Variants in ZFPM1 observed in about 807,000 individuals in gnomAD.
ZFPM1 encodes the protein zinc finger protein ZFPM1.
Under a neutral mutation model 46.3 loss-of-function variants are expected in ZFPM1, and 28 were observed. The ratio of observed to expected loss-of-function variants is 0.60; its 90% confidence interval spans 0.45 to 0.83. ZFPM1 has a LOEUF of 0.83. ZFPM1 is among the 40% of genes least tolerant of loss of function. The pLI is 0.00. For synonymous variants in ZFPM1, 957 were observed against 675.9 expected (o/e 1.42, Z -6.45); for missense variants, 1,878 against 1,432.4 (o/e 1.31, Z -5.02).
chr16:88,474,155 G>T lies in ZFPM1; in HGVS notation c.41-11784G>T, dbSNP rs557023749. Among the ~76,000 whole-genome samples, 8 of 152,318 alleles carry T rather than the reference G, an allele frequency of 5.3e-5. No homozygotes were observed. The East Asian group carries it at 1.5e-3, about 29-fold the overall frequency. On this transcript the variant is annotated intron_variant, in intron 1 of 9. Transcript: ENST00000319555. ...AACCAATCTCTCCCCTATCAGCCGGGCTGGGCTTTCTCAGGCCCCGGCTCT... is the reference window on the plus strand; with the variant it reads ...AACCAATCTCTCCCCTATCAGCCGGTCTGGGCTTTCTCAGGCCCCGGCTCT...
At chr16:88,499,104 C>G (rs994783028) in intron 3 of ZFPM1, among the ~76,000 whole-genome samples, 1 of 152,186 alleles carries the variant, frequency 6.6e-6, no homozygotes, top group Non-Finnish European at 1.5e-5. Context: ...CAACGGCCCC[C>G]GTGGCTCCCC....
At chr16:88,496,094 C>T (rs1437184824) in intron 3 of ZFPM1, among the ~76,000 whole-genome samples, 1 of 152,128 alleles carries the variant, frequency 6.6e-6, no homozygotes, top group African/African-American at 2.4e-5. Context: ...CCTCTGGAGC[C>T]GAAGGAGGAG....
At chr16:88,487,982 GCCAGAGCTCTC>G (rs1909328591) in intron 2 of ZFPM1, among the ~76,000 whole-genome samples, 1 of 152,256 alleles carries the variant, frequency 6.6e-6, no homozygotes, top group African/African-American at 2.4e-5. Flanking sequence ...TCGTGGTACA[GCCAGAGCTCTC>G]CCTGGCCAGT....
At chr16:88,488,566 C>T (rs577142499) in intron 2 of ZFPM1, among the ~76,000 whole-genome samples, 8 of 151,266 alleles carry the variant, frequency 5.3e-5, no homozygotes, top group Non-Finnish European at 1.2e-4. Flanking sequence ...TCTGTAGACA[C>T]GTGACGTCAT....
chr16:88,523,256 C>T (rs1355414259), intron 4 of ZFPM1, among the ~76,000 whole-genome samples: 1 of 151,738 alleles, frequency 6.6e-6, no homozygotes, highest in Non-Finnish European at 1.5e-5. Context: ...CCAGTGCCCA[C>T]AGGCAGAGCA....
rs182290172 is a variant in ZFPM1, at chr16:88,489,656, G to A, written c.268+503G>A. On this transcript the variant is annotated intron_variant, in intron 3 of 9. Coordinates refer to ENST00000319555, the MANE Select transcript of ZFPM1 (RefSeq NM_153813.3). ...GGACGGAGTCCCATCCACATACCCCGCGGGGCCTGGGCCACAGGGTGTGTC... is the reference window on the plus strand; with the variant it reads ...GGACGGAGTCCCATCCACATACCCCACGGGGCCTGGGCCACAGGGTGTGTC... Among the ~76,000 whole-genome samples the A allele has an allele frequency of 1.7e-3, 252 of 152,332 alleles. 1 individual carries two copies. Among genetic ancestry groups the A allele is most frequent in the African/African-American group, 5.6e-3 (232 of 41,564 alleles).
At chr16:88,472,438 C>T (rs1908469677) in intron 1 of ZFPM1, among the ~76,000 whole-genome samples, 1 of 149,634 alleles carries the variant, frequency 6.7e-6, no homozygotes, top group Non-Finnish European at 1.5e-5. Context: ...ACTGCAACAT[C>T]TGCCTCCCGG....
chr16:88,460,983 G>GCAGGAGGCCCTGGTGAGGACCA (rs1907814183), intron 1 of ZFPM1, among the ~76,000 whole-genome samples: 1 of 63,152 alleles, frequency 1.6e-5, no homozygotes, highest in African/African-American at 7.7e-5. Flanking sequence ...GGACCGAGGG[G>GCAGGAGGCCCTGGTGAGGACCA]AGGGGCGGGA....
intron 2 of ZFPM1, among the ~76,000 whole-genome samples, chr16:88,488,328 C>A (rs1487844403): frequency 6.6e-6 from 1 of 152,196 alleles, no homozygotes; most frequent in Admixed American, 6.5e-5. Flanking sequence ...CTGGAAAAAA[C>A]AGCCAGGGCT....
At chr16:88,501,267 A>G (rs1301847133) in intron 3 of ZFPM1, among the ~76,000 whole-genome samples, 4 of 110,028 alleles carry the variant, frequency 3.6e-5, no homozygotes, top group African/African-American at 1.5e-4. Context: ...GATGATGGAG[A>G]TAGTGGGCCT....
At chr16:88,508,688 G>A (rs1026381384) in intron 3 of ZFPM1, among the ~76,000 whole-genome samples, 2 of 152,242 alleles carry the variant, frequency 1.3e-5, no homozygotes, top group African/African-American at 2.4e-5. Flanking sequence ...GGCTGCAGAG[G>A]GGACACAGAG....
At position 88,480,269 on chromosome 16, in the gene ZFPM1, T is replaced by C. The variant is rs1384148716; in HGVS notation, c.41-5670T>C. ...TTCCTGTGGTGCTCACACTGGCATC[T>C]TCCACTTTTTGGGGGATGGGGCTGG... On this transcript the variant is annotated intron_variant, in intron 1 of 9. Transcript: ENST00000319555. This position sits in a 1 kb window ranked among gnomAD's most constrained non-coding sequence, Gnocchi z 4.9. 1.3e-5 allele frequency among the ~76,000 whole-genome samples: 2 copies of C among 152,148 alleles called. No individual in the cohort carries two copies. Among genetic ancestry groups the C allele is most frequent in the African/African-American group, 4.8e-5 (2 of 41,426 alleles).
intron 1 of ZFPM1, among the ~76,000 whole-genome samples, chr16:88,484,525 G>T (rs986663811): frequency 5.9e-5 from 9 of 152,228 alleles, no homozygotes; most frequent in Admixed American, 2.0e-4. Context: ...GCGGCCGCAG[G>T]ACCTGGGGTC....
chr16:88,497,883 C>T lies in ZFPM1; in HGVS notation c.268+8730C>T, dbSNP rs1324443601. Among the ~76,000 whole-genome samples, 7 of 152,182 alleles carry T rather than the reference C, an allele frequency of 4.6e-5. No individual in the cohort carries two copies. The highest frequency in any genetic ancestry group is 1.0e-4 in the Non-Finnish European group (7 of 68,020). The stretch of plus-strand genomic sequence containing the variant: ...CTCGCCGGCGGAGCGTCTACGCAAA[C>T]CTCAAGGCCTGCTATCGGGTGGAGG... On this transcript the variant is annotated intron_variant, in intron 3 of 9. Transcript: ENST00000319555. This position sits in a 1 kb window ranked among gnomAD's most constrained non-coding sequence, Gnocchi z 5.4.
chr16:88,502,987 G>T (rs941152484), intron 3 of ZFPM1, among the ~76,000 whole-genome samples: 1 of 152,362 alleles, frequency 6.6e-6, no homozygotes, highest in East Asian at 1.9e-4. Flanking sequence ...AGCCATGAAG[G>T]CCCCTCAGGG....
intron 1 of ZFPM1, 31 bp downstream of exon 1, chr16:88,453,709 G>T (rs1402069266): frequency 1.7e-6 from 2 of 1,175,630 alleles, no homozygotes; most frequent in Non-Finnish European, 2.1e-6. Flanking sequence ...GGTCCCCTCC[G>T]CGCGCCCGAC....
At chr16:88,468,412 C>T (rs1015426663) in intron 1 of ZFPM1, among the ~76,000 whole-genome samples, 1 of 152,258 alleles carries the variant, frequency 6.6e-6, no homozygotes, top group Non-Finnish European at 1.5e-5. Context: ...TAAGAAGTCG[C>T]TCTCAACAGG....
At chr16:88,500,734 C>T (rs1461776626) in intron 3 of ZFPM1, among the ~76,000 whole-genome samples, 1 of 152,222 alleles carries the variant, frequency 6.6e-6, no homozygotes, top group African/African-American at 2.4e-5. Flanking sequence ...GGGTCCTCAT[C>T]TGTGAGACGT....
chr16:88,485,875 G>A (rs1597242454), intron 1 of ZFPM1, 64 bp from the exon 2 acceptor site: 3 of 1,511,568 alleles, frequency 2.0e-6, no homozygotes, highest in East Asian at 2.3e-5. Flanking sequence ...TGCCAGGAGG[G>A]GTCAGGAGGC....
Sources: gnomAD v4.1 joint callset for allele counts (sites outside exome capture counted in the v4.1 genomes callset) on GRCh38, gnomAD v4.1.1 for gene constraint, Gnocchi (gnomAD v3.1) non-coding constraint, MANE v1.5 for transcripts, NCBI Gene and HGNC (gene_info 2026-07-23, HGNC 2026-07-21) for gene names.